SLC26A8: variants seen among roughly 807,000 people sequenced by gnomAD.
SLC26A8 encodes solute carrier family 26 member 8, also known as testis anion transporter 1.
A neutral mutation model predicts 105.0 loss-of-function variants in SLC26A8; 70 were observed. The ratio of observed to expected loss-of-function variants is 0.67; its 90% CI spans 0.55 to 0.81. The LOEUF (loss-of-function observed/expected upper bound fraction) is 0.81, where lower values mean the gene tolerates loss of function less well. SLC26A8 is among the 40% of genes least tolerant of loss of function. The pLI, the probability that SLC26A8 is intolerant of heterozygous loss-of-function variation, is 0.00. For missense variants in SLC26A8, 998 were observed against 1,181.8 expected, an observed-to-expected ratio of 0.84 and a Z score of 2.28; for synonymous variants, 415 against 438.3, an observed-to-expected ratio of 0.95 and a Z score of 0.66.
chr6:35,994,732 C>T (rs987575870), intron 5 of SLC26A8, among the ~76,000 whole-genome samples: 23 of 152,190 alleles, frequency 1.5e-4, no homozygotes, highest in South Asian at 4.2e-4. Flanking sequence ...CCCAGCACCA[C>T]GCCTGGCTAA....
Position 36,019,667 on chromosome 6 carries a change from G to A in SLC26A8, c.41C>T (p.Ser14Phe), listed in dbSNP as rs1328665043. 21 of 1,614,082 alleles carry A rather than the reference G, an allele frequency of 1.3e-5. No homozygotes were observed. The highest frequency in any genetic ancestry group is 1.7e-5 in the Non-Finnish European group (20 of 1,179,976). Residue 14 changes from serine (S) to phenylalanine (F), a missense_variant, in exon 2 of 20, where the codon TCT becomes TTT. Ser to Phe is a radical substitution (Grantham distance 155). Transcript: ENST00000490799. ...LERSAISGFS[S>F]KSRRNSFAYD... Reference sequence around the variant, plus strand: ...TGCGAATGAGTTTCGCCTGGACTTAGAGCTGAAGCCAGAGATGGCGCTCCT... The same window carrying A: ...TGCGAATGAGTTTCGCCTGGACTTAAAGCTGAAGCCAGAGATGGCGCTCCT...
At chr6:35,980,442 G>A (rs1378728335) in intron 8 of SLC26A8, among the ~76,000 whole-genome samples, 2 of 152,176 alleles carry the variant, frequency 1.3e-5, no homozygotes, top group Admixed American at 1.3e-4. Context: ...AGTTTCCTTA[G>A]CGTAAAAAAG....
intron 3 of SLC26A8, among the ~76,000 whole-genome samples, chr6:36,008,037 A>G (rs1006575076): frequency 5.3e-5 from 8 of 151,350 alleles, no homozygotes; most frequent in African/African-American, 9.7e-5. Flanking sequence ...GGAGAATGGC[A>G]TGAACTCGGG....
chr6:35,975,880 T>G (rs1257616476), intron 9 of SLC26A8, among the ~76,000 whole-genome samples: 1 of 126,440 alleles, frequency 7.9e-6, no homozygotes, highest in African/African-American at 3.1e-5. Context: ...ACCATTGCAC[T>G]CCAGCCTGGG....
intron 5 of SLC26A8, among the ~76,000 whole-genome samples, chr6:35,993,705 A>G (rs1761258170): frequency 6.6e-6 from 1 of 151,998 alleles, no homozygotes; most frequent in African/African-American, 2.4e-5. Context: ...CTTTTTTACT[A>G]TTTGAGATGT....
chr6:35,944,451 G>C (rs373043543), intron 19 of SLC26A8, 111 bp from the exon 20 acceptor site: 3 of 691,866 alleles, frequency 4.3e-6, no homozygotes, highest in Admixed American at 2.8e-5. Context: ...CAGGAGAATC[G>C]CTTTAGACCA....
chr6:35,970,211 T>C (rs1772733591), intron 10 of SLC26A8, among the ~76,000 whole-genome samples: 1 of 152,194 alleles, frequency 6.6e-6, no homozygotes, highest in South Asian at 2.1e-4. Context: ...AATGATTCTC[T>C]AATTTTTCTC....
At chr6:35,960,688 C>T in intron 14 of SLC26A8, 155 bp downstream of exon 14, 1 of 711,182 alleles carries the variant, frequency 1.4e-6, no homozygotes, top group South Asian at 1.9e-5. Flanking sequence ...AAACAAAGAA[C>T]CCATCTCTAC....
In SLC26A8 at chr6:35,959,468, G is replaced by A; in HGVS notation, c.1855C>T (p.Leu619=). 6.2e-7 allele frequency: 1 copy of A among 1,609,930 alleles called. No homozygotes were observed. Among genetic ancestry groups the A allele is most frequent in the Non-Finnish European group, 8.5e-7 (1 of 1,178,948 alleles). ...GAAAAGGCATTTCTAACCCTGGGCAGCGGCTCCAGATCATCACAGTTGCAG... is the reference window on the plus strand; with the variant it reads ...GAAAAGGCATTTCTAACCCTGGGCAACGGCTCCAGATCATCACAGTTGCAG... ...CFCNCDDLEP[L]PRILYTERFE... The change falls in exon 16 of 20, where the codon CTG becomes TTG. Residue 619 remains leucine (L), a synonymous_variant. Transcript: ENST00000490799.
At chr6:35,945,400 T>C (rs1771626021) in intron 19 of SLC26A8, among the ~76,000 whole-genome samples, 1 of 152,238 alleles carries the variant, frequency 6.6e-6, no homozygotes, top group South Asian at 2.1e-4. Flanking sequence ...CTTACTTGTC[T>C]TGCCAACCCC....
intron 2 of SLC26A8, among the ~76,000 whole-genome samples, chr6:36,013,310 C>T (rs1310963966): frequency 1.3e-5 from 2 of 152,010 alleles, no homozygotes; most frequent in Admixed American, 6.6e-5. Flanking sequence ...AATTCTCCTG[C>T]CTCAGCCTCC....
chr6:35,982,365 C>A (rs970533494), intron 7 of SLC26A8, among the ~76,000 whole-genome samples, 162 bp from the exon 8 acceptor site: 2 of 152,150 alleles, frequency 1.3e-5, no homozygotes, highest in African/African-American at 4.8e-5. Flanking sequence ...GCTAGTTCAG[C>A]GGAGCAAGGC....
intron 5 of SLC26A8, among the ~76,000 whole-genome samples, chr6:35,993,315 C>G (rs1761241095): frequency 6.6e-6 from 1 of 151,778 alleles, no homozygotes; most frequent in South Asian, 2.1e-4. Flanking sequence ...CTGCCTTTGC[C>G]TTTTTAAACC....
At chr6:35,945,864 G>A (rs1428680400) in intron 19 of SLC26A8, among the ~76,000 whole-genome samples, 1 of 152,180 alleles carries the variant, frequency 6.6e-6, no homozygotes, top group African/African-American at 2.4e-5. Context: ...GAATCAGCCT[G>A]TAACAGCATT....
intron 7 of SLC26A8, among the ~76,000 whole-genome samples, chr6:35,984,316 C>CTTTTT (rs1337564434): frequency 1.0e-5 from 1 of 95,926 alleles, no homozygotes; most frequent in African/African-American, 3.7e-5. Flanking sequence ...TCTTCTTCTT[C>CTTTTT]TTATTTTTTT....
chr6:35,979,744 T>A (rs1773196873), intron 8 of SLC26A8, among the ~76,000 whole-genome samples: 5 of 152,224 alleles, frequency 3.3e-5, no homozygotes. Context: ...TTCTGTTCTC[T>A]GTAACAGCCG....
In SLC26A8 at chr6:35,955,515, A is replaced by G. The variant is rs1419121649; in HGVS notation, c.1869T>C (p.Leu623=). The G allele has an allele frequency of 1.2e-6, 2 of 1,613,708 alleles. No individual in the cohort carries two copies. Among genetic ancestry groups the G allele is most frequent in the Non-Finnish European group, 8.5e-7 (1 of 1,179,688 alleles). ...GTTTATTTTCAAATCGCTCTGTGTA[A>G]AGAATCTGGGACGACAGAGTTAAGG... is the stretch of plus-strand genomic sequence containing the variant. ...CDDLEPLPRI[L]YTERFENKLD... is the part of the protein sequence containing the mutation. The change falls in exon 17 of 20, where the codon CTT becomes CTC. Residue 623 remains leucine, a synonymous_variant. Coordinates refer to ENST00000490799, the MANE Select transcript of SLC26A8 (RefSeq NM_052961.4).
rs1173055463 is a variant in SLC26A8 at position 36,010,536 on chromosome 6, CT to C, written c.328+1696del. 5.0e-3 allele frequency among the ~76,000 whole-genome samples: 588 copies of C among 118,256 alleles called. 2 individuals are homozygous for C. Among genetic ancestry groups the C allele is most frequent in the East Asian group, 9.6e-3 (41 of 4,254 alleles). The allele number at this position is 118,256 out of a possible 152,430, so 77.6% of individuals were successfully genotyped here. ...GGTTACACAAATCTATATATGTATT[CT>C]TTTTTTTTTTTTTTTTTTTGAGATG... On this transcript the variant is annotated intron_variant, in intron 3 of 19. Coordinates refer to ENST00000490799, the MANE Select transcript of SLC26A8 (RefSeq NM_052961.4).
At chr6:35,950,743 T>A (rs113145180) in intron 19 of SLC26A8, among the ~76,000 whole-genome samples, 3,155 of 152,280 alleles carry the variant, frequency 0.021, 44 homozygotes, top group Middle Eastern at 0.048. Flanking sequence ...AGTTCATTAG[T>A]ATTATTATTC....
Sources: allele counts gnomAD v4.1 joint callset (sites outside exome capture counted in the v4.1 genomes callset), GRCh38; gene constraint gnomAD v4.1.1; transcripts MANE v1.5; gene names NCBI Gene and HGNC (gene_info 2026-07-23, HGNC 2026-07-21).